Variants in HTT observed in about 807,000 individuals in gnomAD.
The protein encoded by HTT is huntington disease protein.
In HTT, 104 loss-of-function variants were observed where a neutral mutation model predicts 362.3. That is an observed-to-expected ratio of 0.29 (90% CI 0.24 to 0.34). HTT has a LOEUF of 0.34. Among genes scored for constraint, HTT ranks in the 10% least tolerant of loss-of-function variants. The probability of loss-of-function intolerance (pLI) is 1.00; values close to 1 mark genes in which losing one functional copy is unlikely to be tolerated. For synonymous variants in HTT, 1,577 were observed against 1,548.7 expected (o/e 1.02, Z -0.43); for missense variants, 3,301 against 3,928.6 (o/e 0.84, Z 4.27).
At position 3,099,404 on chromosome 4, in the gene HTT, G is replaced by T; in HGVS notation, c.468+10G>T. 6.2e-7 allele frequency: 1 copy of T among 1,613,574 alleles called. No homozygotes were observed. The highest frequency in any genetic ancestry group is 1.7e-5 in the Admixed American group (1 of 59,996). On this transcript the variant is annotated intron_variant, in intron 3 of 66. Transcript: ENST00000355072. ...CAACAAAGTTATCAAAGTAAGAACCGTGTGGATGATGTTCTCCTCAGAGCT... is the reference window on the plus strand; with the variant it reads ...CAACAAAGTTATCAAAGTAAGAACCTTGTGGATGATGTTCTCCTCAGAGCT...
Position 3,240,383 on chromosome 4 carries a change from T to G in HTT, c.*324T>G. The G allele has an allele frequency of 2.6e-6, 1 of 382,760 alleles. No homozygotes were observed. Among genetic ancestry groups the G allele is most frequent in the Non-Finnish European group, 4.9e-6 (1 of 205,598 alleles). The allele number at this position is 382,760 out of a possible 1,614,324, so 23.7% of individuals were successfully genotyped here. ...GGTTGTTGCCAGGTTGCAGCTGCTC[T>G]TGCATCTGGGCCAGAAGTCCTCCCT... On this transcript the variant is annotated 3_prime_UTR_variant, in exon 67 of 67. Transcript: ENST00000355072.
chr4:3,235,054 A>T (rs2110302135), intron 61 of HTT, among the ~76,000 whole-genome samples: 1 of 152,196 alleles, frequency 6.6e-6, no homozygotes, highest in Admixed American at 6.5e-5. Context: ...TTAGGCCGAG[A>T]GGGCAGGGCG....
chr4:3,102,238 C>T (rs527545643), intron 3 of HTT, among the ~76,000 whole-genome samples: 14 of 152,154 alleles, frequency 9.2e-5, no homozygotes, highest in Non-Finnish European at 1.6e-4. Context: ...TGTGTGTCTG[C>T]GGAAGCAGGG....
intron 47 of HTT, among the ~76,000 whole-genome samples, chr4:3,210,609 T>TG (rs11445574): frequency 0.31 from 47,760 of 151,704 alleles, 7,831 homozygotes; most frequent in East Asian, 0.41. Context: ...CTGTGAGCAG[T>TG]GGGGGGGCCA....
At chr4:3,163,528 A>T (rs1045153327) in intron 29 of HTT, among the ~76,000 whole-genome samples, 1 of 152,206 alleles carries the variant, frequency 6.6e-6, no homozygotes, top group African/African-American at 2.4e-5. Context: ...TACCTCTGGT[A>T]GAATTCGGCT....
At chr4:3,199,537 T>C (rs1316224733) in intron 40 of HTT, among the ~76,000 whole-genome samples, 195 bp from the exon 41 acceptor site, 1 of 146,182 alleles carries the variant, frequency 6.8e-6, no homozygotes, top group African/African-American at 2.5e-5. Context: ...CAAAACTCTA[T>C]CTCAAAAAAA....
At chr4:3,180,046 A>G (rs1560582299) in intron 35 of HTT, among the ~76,000 whole-genome samples, 1 of 152,190 alleles carries the variant, frequency 6.6e-6, no homozygotes, top group Non-Finnish European at 1.5e-5. Context: ...ACTTGGGGGA[A>G]AGTCCCTTAT....
intron 65 of HTT, 88 bp from the exon 66 acceptor site, chr4:3,238,730 G>GGGCCCCCCCCCCCCCCCCCCCCCCCCC: frequency 3.6e-6 from 4 of 1,097,018 alleles, no homozygotes; most frequent in Non-Finnish European, 5.3e-6. Flanking sequence ...AATGCCTCTG[G>GGGCCCCCCCCCCCCCCCCCCCCCCCCC]CCCCCACCCC....
chr4:3,229,096 A>C, intron 59 of HTT, 87 bp downstream of exon 59: 1 of 1,331,800 alleles, frequency 7.5e-7, no homozygotes, highest in South Asian at 1.3e-5. Context: ...CACCGCCCAC[A>C]CACATGCCAC....
intron 1 of HTT, among the ~76,000 whole-genome samples, chr4:3,079,834 T>TTC: frequency 6.6e-6 from 1 of 152,262 alleles, no homozygotes; most frequent in East Asian, 1.9e-4. Flanking sequence ...ATAAGCATGG[T>TTC]GGGTTCTGTC....
chr4:3,183,780 A>T (rs971645449), intron 37 of HTT, among the ~76,000 whole-genome samples: 2 of 152,208 alleles, frequency 1.3e-5, no homozygotes, highest in Non-Finnish European at 2.9e-5. Flanking sequence ...GCCTGAATAC[A>T]TAGTAAATAC....
intron 40 of HTT, among the ~76,000 whole-genome samples, chr4:3,198,556 C>G (rs1263988245): frequency 6.6e-6 from 1 of 152,152 alleles, no homozygotes; most frequent in East Asian, 1.9e-4. Context: ...AATTTTGATC[C>G]CAACAGTGAT....
Position 3,217,743 on chromosome 4 carries a change from CTCTT to C in HTT, c.7055-21_7055-18del. 6.2e-7 allele frequency: 1 copy of C among 1,600,260 alleles called. No homozygotes were observed. The highest frequency in any genetic ancestry group is 1.1e-5 in the South Asian group (1 of 89,150). On this transcript the variant is annotated intron_variant, in intron 51 of 66. Transcript: ENST00000355072. ...TAGGATGTGTTTTTTAAAAAGTCCTCTCTTAACCGTTGCTTGTTTAGATCCTAAG... is the reference window on the plus strand; with the variant it reads ...TAGGATGTGTTTTTTAAAAAGTCCTCAACCGTTGCTTGTTTAGATCCTAAG...
At chr4:3,125,050 T>C (rs1315361920) in intron 10 of HTT, among the ~76,000 whole-genome samples, 4 of 152,216 alleles carry the variant, frequency 2.6e-5, no homozygotes, top group Non-Finnish European at 5.9e-5. Flanking sequence ...TTCCAGATCA[T>C]ATAATGCTTA....
intron 61 of HTT, among the ~76,000 whole-genome samples, chr4:3,233,703 C>T (rs1248609752): frequency 6.6e-6 from 1 of 152,272 alleles, no homozygotes; most frequent in African/African-American, 2.4e-5. Context: ...CCTCTCTGCA[C>T]CTTCCCCGCC....
Position 3,107,379 on chromosome 4 carries a change from A to T in HTT, c.703A>T (p.Ile235Phe). The T allele has an allele frequency of 6.2e-7, 1 of 1,614,206 alleles. No individual in the cohort carries two copies. ...QETLAAAVPK[I>F]MASFGNFAND... ...GACCTTGGCTGCAGCTGTTCCCAAA[A>T]TTATGGCTTCTTTTGGCAATTTTGC... The change falls in exon 6 of 67, where the codon ATT becomes TTT. Residue 235 changes from isoleucine to phenylalanine, a missense_variant. This residue lies in a region of HTT where 2,316 missense variants were observed against 2,658.5 expected (regional missense o/e 0.87). Transcript: ENST00000355072.
chr4:3,230,091 C>T (rs1266057703), intron 60 of HTT, 49 bp downstream of exon 60: 3 of 1,544,656 alleles, frequency 1.9e-6, no homozygotes, highest in Non-Finnish European at 2.7e-6. Flanking sequence ...CACGGGGGCC[C>T]ATCTGCCTTG....
chr4:3,103,869 A>G lies in HTT; in HGVS notation c.514A>G (p.Lys172Glu). 6.2e-7 allele frequency: 1 copy of G among 1,602,012 alleles called. No individual in the cohort carries two copies. Among genetic ancestry groups the G allele is most frequent in the Non-Finnish European group, 8.5e-7 (1 of 1,170,886 alleles). Residue 172 changes from lysine (K) to glutamate (E), a missense_variant, in exon 4 of 67, where the codon AAG (lysine) becomes GAG (glutamate). Coordinates refer to ENST00000355072, the MANE Select transcript of HTT (RefSeq NM_001388492.1). ...TCCAAGGTTACAGCTCGAGCTCTAT[A>G]AGGAAATTAAAAAGGTGGGCCTTGC... ...NLPRLQLELY[K>E]EIKKNGAPRS...
intron 59 of HTT, among the ~76,000 whole-genome samples, chr4:3,229,309 CA>C (rs1721099885): frequency 6.8e-6 from 1 of 147,878 alleles, no homozygotes. Flanking sequence ...GCACCACACA[CA>C]CACACACACA....
Sources: gnomAD v4.1 joint callset for allele counts (sites outside exome capture counted in the v4.1 genomes callset) on GRCh38, gnomAD v4.1.1 for gene constraint, gnomAD v4.1.1 regional missense constraint, MANE v1.5 for transcripts, NCBI Gene and HGNC (gene_info 2026-07-23, HGNC 2026-07-21) for gene names.